Variants in FOXP2 observed in about 807,000 individuals in gnomAD.
FOXP2 encodes the protein forkhead box protein P2.
In FOXP2, 12 loss-of-function variants were observed where a neutral mutation model predicts 115.8. The observed-to-expected ratio is 0.10, with a 90% CI of 0.07 to 0.17. The LOEUF (loss-of-function observed/expected upper bound fraction) is 0.17, where lower values mean the gene tolerates loss of function less well. Among genes scored for constraint, FOXP2 ranks in the 10% least tolerant of loss-of-function variants. The pLI is 1.00. For missense variants in FOXP2, 629 were observed against 843.5 expected (o/e 0.75, Z 3.15); for synonymous variants, 328 against 297.7 (o/e 1.10, Z -1.05).
intron 16 of FOXP2, chr7:114,668,791 C>A (rs1415277070): frequency 1.3e-5 from 2 of 152,134 alleles, no homozygotes; most frequent in African/African-American, 4.8e-5. Flanking sequence ...CTAGCACATT[C>A]TACTATGTCA....
At chr7:114,264,713 A>G (rs962582521) in intron 1 of FOXP2, among the ~76,000 whole-genome samples, 1 of 152,194 alleles carries the variant, frequency 6.6e-6, no homozygotes, top group African/African-American at 2.4e-5. Context: ...TAATTGGCTC[A>G]CCATTCTACA....
intron 2 of FOXP2, among the ~76,000 whole-genome samples, chr7:114,319,182 G>A (rs1038774875): frequency 6.6e-5 from 10 of 151,904 alleles, no homozygotes; most frequent in African/African-American, 9.7e-5. Context: ...GGTCCCTCAC[G>A]TGGGAAACTT....
At chr7:114,608,894 C>A (rs1344466590) in intron 3 of FOXP2, among the ~76,000 whole-genome samples, 1 of 151,982 alleles carries the variant, frequency 6.6e-6, no homozygotes, top group African/African-American at 2.4e-5. Context: ...TAATCACAAC[C>A]ATATTTTTAA....
intron 1 of FOXP2, among the ~76,000 whole-genome samples, chr7:114,157,171 A>T (rs1792694060): frequency 6.6e-6 from 1 of 152,148 alleles, no homozygotes; most frequent in Admixed American, 6.6e-5. Context: ...TAATAAAGTT[A>T]CATTGTTAAG....
At chr7:114,543,133 C>T (rs1478759470) in intron 3 of FOXP2, among the ~76,000 whole-genome samples, 1 of 152,072 alleles carries the variant, frequency 6.6e-6, no homozygotes, top group African/African-American at 2.4e-5. Flanking sequence ...ATCATATAAG[C>T]TCATTACAAG....
chr7:114,267,707 A>C (rs1339972738), intron 1 of FOXP2, among the ~76,000 whole-genome samples: 5 of 150,616 alleles, frequency 3.3e-5, no homozygotes, highest in Admixed American at 2.0e-4. Context: ...AGCCTGGGAG[A>C]CAGAGCGAGA....
chr7:114,653,899 G>T (rs115129935), intron 9 of FOXP2, 27 bp from the exon 10 acceptor site: 2 of 1,606,122 alleles, frequency 1.2e-6, no homozygotes, highest in African/African-American at 1.3e-5. Context: ...TTTCTAAAAC[G>T]CTTCTGATCT....
At chr7:114,660,154 T>C (rs1475304770) in intron 13 of FOXP2, among the ~76,000 whole-genome samples, 1 of 152,042 alleles carries the variant, frequency 6.6e-6, no homozygotes, top group Non-Finnish European at 1.5e-5. Context: ...TAAAAGAAAG[T>C]AAAGTGAATA....
chr7:114,115,867 G>A (rs1396346998), intron 1 of FOXP2, among the ~76,000 whole-genome samples: 8 of 152,090 alleles, frequency 5.3e-5, no homozygotes, highest in Non-Finnish European at 1.2e-4. Context: ...CTGGTGTATG[G>A]TAGGAATTAA....
intron 3 of FOXP2, among the ~76,000 whole-genome samples, chr7:114,623,446 A>G (rs1804359086): frequency 6.6e-6 from 1 of 151,980 alleles, no homozygotes; most frequent in South Asian, 2.1e-4. Flanking sequence ...AGAAGAAAGA[A>G]AAACAAGGGC....
In FOXP2 at chr7:114,629,965, A is replaced by G; in HGVS notation, c.557A>G (p.Gln186Arg). ...QQQQQQQQQQQQQQQQHPGKQ... is the reference protein window; with the variant it reads ...QQQQQQQQQQRQQQQQHPGKQ... Reference sequence around the variant, plus strand: ...CAACAGCAGCAGCAGCAGCAACAGCAGCAGCAGCAGCAACAGCATCCTGGA... The same window carrying G: ...CAACAGCAGCAGCAGCAGCAACAGCGGCAGCAGCAGCAACAGCATCCTGGA... Residue 186 changes from glutamine to arginine, a missense_variant, in exon 5 of 17, where the codon CAG becomes CGG. Transcript: ENST00000350908. 1 of 1,612,774 alleles carries G rather than the reference A, an allele frequency of 6.2e-7. No homozygotes were observed. Among genetic ancestry groups the G allele is most frequent in the Non-Finnish European group, 8.5e-7 (1 of 1,179,796 alleles).
intron 14 of FOXP2, 56 bp downstream of exon 14, chr7:114,662,242 T>C (rs1264846221): frequency 6.2e-7 from 1 of 1,607,406 alleles, no homozygotes; most frequent in East Asian, 2.2e-5. Flanking sequence ...GAAAAGTAAA[T>C]ACTTTAAGTT....
At chr7:114,647,063 G>C (rs886200710) in intron 8 of FOXP2, among the ~76,000 whole-genome samples, 3 of 151,636 alleles carry the variant, frequency 2.0e-5, no homozygotes, top group Non-Finnish European at 3.0e-5. Flanking sequence ...AAGTTTTTTA[G>C]GAAAATATTA....
chr7:114,495,781 A>G (rs1456883335), intron 2 of FOXP2, among the ~76,000 whole-genome samples: 2 of 152,114 alleles, frequency 1.3e-5, no homozygotes, highest in Non-Finnish European at 1.5e-5. Flanking sequence ...TGCTGGGATT[A>G]CAGGCATAAG....
chr7:114,118,280 G>A (rs1404335657), intron 1 of FOXP2, among the ~76,000 whole-genome samples: 1 of 152,056 alleles, frequency 6.6e-6, no homozygotes, highest in South Asian at 2.1e-4. Flanking sequence ...CTGTCCTTAT[G>A]CATAATTTCT....
chr7:114,422,432 A>G (rs1027891662), intron 1 of FOXP2, among the ~76,000 whole-genome samples: 1 of 151,748 alleles, frequency 6.6e-6, no homozygotes, highest in African/African-American at 2.4e-5. Flanking sequence ...CAGACTGTTT[A>G]TGTAGAATGC....
chr7:114,642,868 G>A (rs1805652058), intron 7 of FOXP2, among the ~76,000 whole-genome samples: 1 of 134,306 alleles, frequency 7.4e-6, no homozygotes, highest in African/African-American at 2.8e-5. Context: ...GAGTGCAGTG[G>A]CACAATCTTG....
chr7:114,585,272 T>A (rs1313784390), intron 3 of FOXP2, among the ~76,000 whole-genome samples: 1 of 152,142 alleles, frequency 6.6e-6, no homozygotes, highest in Non-Finnish European at 1.5e-5. Flanking sequence ...TTTTTCTGAG[T>A]CTCACCCCAA....
At chr7:114,564,081 A>T (rs1272363166) in intron 3 of FOXP2, among the ~76,000 whole-genome samples, 2 of 152,148 alleles carry the variant, frequency 1.3e-5, no homozygotes, top group Non-Finnish European at 2.9e-5. Context: ...ACATACAAAC[A>T]AACAAACAAA....
Sources: allele counts gnomAD v4.1 joint callset (sites outside exome capture counted in the v4.1 genomes callset), GRCh38; gene constraint gnomAD v4.1.1; transcripts MANE v1.5; gene names NCBI Gene and HGNC (gene_info 2026-07-23, HGNC 2026-07-21).